The following SPAG16 variants were observed in gnomAD, a reference collection of about 807,000 sequenced individuals.
The protein encoded by SPAG16 is sperm-associated antigen 16 protein.
A neutral mutation model predicts 80.4 loss-of-function variants in SPAG16; 86 were observed. The ratio of observed to expected loss-of-function variants is 1.07; its 90% CI spans 0.90 to 1.28. The LOEUF (loss-of-function observed/expected upper bound fraction) is 1.28. SPAG16 is among the 50% of genes most tolerant of loss of function. The probability of loss-of-function intolerance (pLI) is 0.00; values close to 1 mark genes in which losing one functional copy is unlikely to be tolerated. For missense variants in SPAG16, 870 were observed against 765.3 expected (o/e 1.14, Z -1.61); for synonymous variants, 294 against 265.9 (o/e 1.11, Z -1.03).
At chr2:214,000,650 G>A (rs1383325295) in intron 12 of SPAG16, among the ~76,000 whole-genome samples, 1 of 152,136 alleles carries the variant, frequency 6.6e-6, no homozygotes, top group East Asian at 1.9e-4. Flanking sequence ...AGTGTAAGAG[G>A]GAACAAGAAC....
intron 11 of SPAG16, among the ~76,000 whole-genome samples, chr2:213,922,248 TCTGA>T (rs71063796): frequency 0.26 from 39,597 of 151,920 alleles, 5,385 homozygotes; most frequent in East Asian, 0.4. Flanking sequence ...TTTATTTTTG[TCTGA>T]CTGAGTTATT....
intron 10 of SPAG16, among the ~76,000 whole-genome samples, chr2:213,631,922 C>T (rs1425992007): frequency 1.3e-5 from 2 of 152,068 alleles, no homozygotes; most frequent in Non-Finnish European, 2.9e-5. Context: ...AATGTGATTC[C>T]TCCAGTTTTG....
intron 10 of SPAG16, among the ~76,000 whole-genome samples, chr2:213,828,252 C>G (rs2073418751): frequency 6.6e-6 from 1 of 151,942 alleles, no homozygotes; most frequent in Admixed American, 6.6e-5. Context: ...TTTCAAATAG[C>G]CTGTCTTTAG....
chr2:213,715,909 T>C (rs1474352418), intron 10 of SPAG16, among the ~76,000 whole-genome samples: 1 of 151,844 alleles, frequency 6.6e-6, no homozygotes, highest in Admixed American at 6.6e-5. Flanking sequence ...TCCCCATGGG[T>C]CAGATAATTA....
At chr2:213,588,861 G>A (rs1161935722) in intron 10 of SPAG16, among the ~76,000 whole-genome samples, 1 of 111,904 alleles carries the variant, frequency 8.9e-6, no homozygotes, top group African/African-American at 3.3e-5. Context: ...TATCCATTTT[G>A]AGAAACTACA....
At chr2:213,887,770 G>T (rs2076618669) in intron 11 of SPAG16, among the ~76,000 whole-genome samples, 1 of 151,488 alleles carries the variant, frequency 6.6e-6, no homozygotes, top group African/African-American at 2.4e-5. Context: ...AACATGTAAA[G>T]AAACAATTCT....
At chr2:214,256,908 T>C (rs1052147520) in intron 15 of SPAG16, among the ~76,000 whole-genome samples, 1 of 151,986 alleles carries the variant, frequency 6.6e-6, no homozygotes. Context: ...AAAGTTTTTA[T>C]TTTTTGCATT....
chr2:213,700,998 T>G (rs2065388678), intron 10 of SPAG16, among the ~76,000 whole-genome samples: 1 of 152,084 alleles, frequency 6.6e-6, no homozygotes, highest in South Asian at 2.1e-4. Flanking sequence ...TCCCAGCACT[T>G]TGGGAGGCTG....
chr2:214,065,269 T>C (rs751494665), intron 13 of SPAG16, among the ~76,000 whole-genome samples: 1 of 152,086 alleles, frequency 6.6e-6, no homozygotes, highest in Non-Finnish European at 1.5e-5. Flanking sequence ...TCTGATCATC[T>C]TTAAAAATAA....
intron 11 of SPAG16, among the ~76,000 whole-genome samples, chr2:213,900,271 C>A (rs1025438003): frequency 3.9e-5 from 6 of 152,056 alleles, no homozygotes; most frequent in African/African-American, 1.4e-4. Flanking sequence ...GGCGTGTCTC[C>A]ATTTGTTACA....
chr2:213,731,007 A>T (rs1339731231), intron 10 of SPAG16, among the ~76,000 whole-genome samples: 1 of 151,472 alleles, frequency 6.6e-6, no homozygotes, highest in African/African-American at 2.4e-5. Flanking sequence ...TTATTTTTTT[A>T]TGGTTTCTTA....
chr2:213,542,293 C>T (rs139844958), intron 10 of SPAG16, among the ~76,000 whole-genome samples: 79 of 152,158 alleles, frequency 5.2e-4, no homozygotes, highest in Middle Eastern at 3.4e-3. Flanking sequence ...TGAAACCTAG[C>T]TAATATAATT....
intron 13 of SPAG16, among the ~76,000 whole-genome samples, chr2:214,047,167 A>G (rs1453778572): frequency 2.0e-5 from 3 of 152,212 alleles, no homozygotes; most frequent in South Asian, 2.1e-4. Flanking sequence ...TATTCTTCAC[A>G]GAAATAGAAA....
At chr2:213,882,470 A>G (rs2076381991) in intron 11 of SPAG16, among the ~76,000 whole-genome samples, 1 of 151,988 alleles carries the variant, frequency 6.6e-6, no homozygotes, top group Non-Finnish European at 1.5e-5. Flanking sequence ...TTTTTTCTGT[A>G]TTCAATTTCA....
At chr2:214,345,095 G>A (rs987411790) in intron 15 of SPAG16, among the ~76,000 whole-genome samples, 7 of 152,150 alleles carry the variant, frequency 4.6e-5, no homozygotes, top group African/African-American at 1.7e-4. Context: ...GAATGAAATA[G>A]GTCAGTAGTC....
At chr2:213,290,106 G>A (rs974906987) in intron 1 of SPAG16, among the ~76,000 whole-genome samples, 1 of 152,214 alleles carries the variant, frequency 6.6e-6, no homozygotes. Context: ...CAGTTTCAGT[G>A]TGGGTGTTAC....
chr2:214,345,803 TAAA>T (rs1409417420), intron 15 of SPAG16, among the ~76,000 whole-genome samples: 2 of 152,072 alleles, frequency 1.3e-5, no homozygotes, highest in Non-Finnish European at 2.9e-5. Flanking sequence ...TGTAAACAAA[TAAA>T]AGCACATCAT....
chr2:214,360,579 T>A (rs1699120803), intron 15 of SPAG16, among the ~76,000 whole-genome samples: 1 of 151,930 alleles, frequency 6.6e-6, no homozygotes, highest in African/African-American at 2.4e-5. Context: ...TTTATCACTA[T>A]GCAGTTATAT....
intron 15 of SPAG16, among the ~76,000 whole-genome samples, chr2:214,344,858 G>A (rs1697953246): frequency 6.6e-6 from 1 of 151,994 alleles, no homozygotes; most frequent in Admixed American, 6.6e-5. Context: ...ATCTCATATG[G>A]TTTTCCTTAG....
Sources: gnomAD v4.1 joint callset for allele counts (sites outside exome capture counted in the v4.1 genomes callset) on GRCh38, gnomAD v4.1.1 for gene constraint, MANE v1.5 for transcripts, NCBI Gene and HGNC (gene_info 2026-07-23, HGNC 2026-07-21) for gene names.